RABGAP1L: variants seen among roughly 807,000 people sequenced by gnomAD.
RABGAP1L encodes the protein RAB GTPase activating protein 1 like, also known as rab GTPase-activating protein 1-like.
RABGAP1L carries 63 observed loss-of-function variants against 137.7 expected under a neutral mutation model. That is an observed-to-expected ratio of 0.46 (90% confidence interval 0.37 to 0.56). RABGAP1L has a LOEUF of 0.56. RABGAP1L is among the 20% of genes least tolerant of loss of function. RABGAP1L has a pLI of 0.00. For synonymous variants in RABGAP1L, 431 were observed against 433.7 expected, an observed-to-expected ratio of 0.99 and a Z score of 0.08; for missense variants, 1,095 against 1,244.0, an observed-to-expected ratio of 0.88 and a Z score of 1.80.
intron 24 of RABGAP1L, among the ~76,000 whole-genome samples, chr1:174,987,771 T>A (rs973999461): frequency 6.6e-6 from 1 of 152,220 alleles, no homozygotes; most frequent in Non-Finnish European, 1.5e-5. Context: ...TAGTGCTGTG[T>A]GCCCGATTGG....
intron 19 of RABGAP1L, among the ~76,000 whole-genome samples, chr1:174,856,397 TAAAAA>T (rs150232187): frequency 8.7e-6 from 1 of 115,220 alleles, no homozygotes; most frequent in Non-Finnish European, 2.0e-5. Flanking sequence ...TCCCTCTCAA[TAAAAA>T]AAAAAAAAAA....
chr1:174,750,345 C>T (rs1236223887), intron 17 of RABGAP1L, among the ~76,000 whole-genome samples: 1 of 110,232 alleles, frequency 9.1e-6, no homozygotes, highest in Non-Finnish European at 1.8e-5. Flanking sequence ...TTGCCCCTTC[C>T]TGTCGTGATC....
At chr1:174,573,197 GTA>G (rs897210717) in intron 13 of RABGAP1L, among the ~76,000 whole-genome samples, 2 of 148,676 alleles carry the variant, frequency 1.3e-5, no homozygotes, top group African/African-American at 2.5e-5. Context: ...ATATGTGTGT[GTA>G]TATATGTGTG....
At chr1:174,327,960 T>TATATATATATACACAC (rs1558135755) in intron 11 of RABGAP1L, among the ~76,000 whole-genome samples, 34 of 12,230 alleles carry the variant, frequency 2.8e-3, no homozygotes, top group African/African-American at 0.016. Flanking sequence ...GTTGTAAATA[T>TATATATATATACACAC]ATATATATAT....
At chr1:174,179,903 A>T (rs1256367512) in intron 1 of RABGAP1L, among the ~76,000 whole-genome samples, 1 of 152,210 alleles carries the variant, frequency 6.6e-6, no homozygotes, top group East Asian at 1.9e-4. Flanking sequence ...TTAATGTAGA[A>T]AATAATATGT....
chr1:174,296,437 A>G (rs1179812780), intron 10 of RABGAP1L, among the ~76,000 whole-genome samples: 1 of 152,224 alleles, frequency 6.6e-6, no homozygotes, highest in Non-Finnish European at 1.5e-5. Context: ...CTCTTCTGCT[A>G]GTGATACTAC....
At position 174,813,187 on chromosome 1, in the gene RABGAP1L, G is replaced by A. The variant is rs77832192; in HGVS notation, c.2340+1227G>A. On this transcript the variant is annotated intron_variant, in intron 19 of 25. Transcript: ENST00000681986. ...GTAAGAGAAGTAGGGACATCAAACA[G>A]GAGATTTTGGAGTAATCCTCTTGAG... Among the ~76,000 whole-genome samples, 16 of 152,286 alleles carry A rather than the reference G, an allele frequency of 1.1e-4. No individual in the cohort carries two copies. In the East Asian group the frequency reaches 1.7e-3, roughly 17 times the overall value.
intron 13 of RABGAP1L, among the ~76,000 whole-genome samples, chr1:174,567,426 C>G (rs1039679468): frequency 2.6e-5 from 4 of 151,912 alleles, no homozygotes; most frequent in African/African-American, 9.7e-5. Flanking sequence ...TATCTCATGC[C>G]TTATATTTTA....
chr1:174,438,744 G>GTGTGTGTATATATA (rs1161311071), intron 13 of RABGAP1L, among the ~76,000 whole-genome samples: 12 of 95,456 alleles, frequency 1.3e-4, no homozygotes, highest in African/African-American at 4.7e-4. Context: ...GTGTGTGTGT[G>GTGTGTGTATATATA]TATATATATA....
At chr1:174,239,894 T>C (rs1341334746) in intron 4 of RABGAP1L, among the ~76,000 whole-genome samples, 3 of 152,238 alleles carry the variant, frequency 2.0e-5, no homozygotes, top group Admixed American at 2.0e-4. Context: ...GGGAAAACTT[T>C]TGCTAAATTC....
intron 14 of RABGAP1L, among the ~76,000 whole-genome samples, chr1:174,671,795 G>A (rs1236739888): frequency 1.3e-5 from 2 of 152,100 alleles, no homozygotes; most frequent in Non-Finnish European, 2.9e-5. Context: ...TCTGGTTTTG[G>A]TATCAGAGTA....
At chr1:174,457,451 A>C (rs997625483) in intron 13 of RABGAP1L, among the ~76,000 whole-genome samples, 2 of 150,600 alleles carry the variant, frequency 1.3e-5, no homozygotes, top group East Asian at 3.9e-4. Context: ...TGCACATAGG[A>C]CATGTTCTAC....
intron 19 of RABGAP1L, among the ~76,000 whole-genome samples, chr1:174,933,749 T>A (rs983811904): frequency 3.0e-4 from 46 of 152,194 alleles, no homozygotes; most frequent in Non-Finnish European, 4.6e-4. Context: ...GAGTCTCAAC[T>A]TAGTATTCTA....
At chr1:174,803,519 C>T (rs1235847645) in intron 18 of RABGAP1L, among the ~76,000 whole-genome samples, 1 of 151,914 alleles carries the variant, frequency 6.6e-6, no homozygotes, top group Non-Finnish European at 1.5e-5. Flanking sequence ...AAATTTTTAG[C>T]TGAATAAAAA....
intron 19 of RABGAP1L, among the ~76,000 whole-genome samples, chr1:174,833,659 T>C (rs1267873511): frequency 6.6e-6 from 1 of 151,078 alleles, no homozygotes; most frequent in Non-Finnish European, 1.5e-5. Flanking sequence ...TCTTTACCAC[T>C]TATTATGTAC....
intron 8 of RABGAP1L, among the ~76,000 whole-genome samples, chr1:174,274,372 G>C (rs1168296669): frequency 6.6e-6 from 1 of 152,082 alleles, no homozygotes; most frequent in Non-Finnish European, 1.5e-5. Flanking sequence ...AGATTATAAT[G>C]TATTTTTACT....
chr1:174,694,916 A>G (rs1412832746), intron 15 of RABGAP1L, among the ~76,000 whole-genome samples: 2 of 151,600 alleles, frequency 1.3e-5, no homozygotes, highest in East Asian at 3.9e-4. Flanking sequence ...ATGGTATCTC[A>G]TTGTGGTTTT....
chr1:174,477,375 A>G (rs1346010525), intron 13 of RABGAP1L, among the ~76,000 whole-genome samples: 2 of 152,212 alleles, frequency 1.3e-5, no homozygotes, highest in African/African-American at 2.4e-5. Context: ...ATGTTCATAT[A>G]TAGTAATCAT....
In RABGAP1L at chr1:174,909,980, A is replaced by G. The variant is rs1029339612; in HGVS notation, c.2341-47477A>G. Among the ~76,000 whole-genome samples, 13 of 152,350 alleles carry G rather than the reference A, an allele frequency of 8.5e-5. No homozygotes were observed. The East Asian group carries it at 2.5e-3, about 29-fold the overall frequency. ...CGGTGAAACCCCGTCTGTACTAAAA[A>G]TACAAAATATTAGCTGGGCATGGTG... On this transcript the variant is annotated intron_variant, in intron 19 of 25. Coordinates refer to ENST00000681986, the MANE Select transcript of RABGAP1L (RefSeq NM_001366446.1).
Sources: allele counts gnomAD v4.1 joint callset (sites outside exome capture counted in the v4.1 genomes callset), GRCh38; gene constraint gnomAD v4.1.1; transcripts MANE v1.5; gene names NCBI Gene and HGNC (gene_info 2026-07-23, HGNC 2026-07-21).